TUBD1: variants seen among roughly 807,000 people sequenced by gnomAD.
TUBD1 encodes tubulin delta chain.
TUBD1 carries 38 observed loss-of-function variants against 51.2 expected under a neutral mutation model. The observed-to-expected ratio is 0.74, with a 90% confidence interval of 0.57 to 0.97. The LOEUF (loss-of-function observed/expected upper bound fraction) is 0.97, where lower values mean the gene tolerates loss of function less well. Ranked by LOEUF, TUBD1 falls within the 50% of genes least tolerant of loss-of-function variation. The pLI is 0.00. For synonymous variants in TUBD1, 169 were observed against 178.2 expected, an observed-to-expected ratio of 0.95 and a Z score of 0.41; for missense variants, 489 against 538.4, an observed-to-expected ratio of 0.91 and a Z score of 0.91.
At chr17:59,879,556 C>T (rs1262834912) in intron 4 of TUBD1, among the ~76,000 whole-genome samples, 1 of 152,012 alleles carries the variant, frequency 6.6e-6, no homozygotes, top group East Asian at 2.0e-4. Context: ...CTGCCTCAGC[C>T]TCCCGAGTAG....
intron 6 of TUBD1, among the ~76,000 whole-genome samples, chr17:59,868,593 A>G (rs2039824020): frequency 6.6e-6 from 1 of 152,076 alleles, no homozygotes; most frequent in Non-Finnish European, 1.5e-5. Context: ...TAATCCCAGC[A>G]CTTTGCGAGG....
intron 8 of TUBD1, among the ~76,000 whole-genome samples, chr17:59,861,926 A>G (rs1477899195): frequency 2.0e-5 from 3 of 150,396 alleles, no homozygotes; most frequent in African/African-American, 7.3e-5. Flanking sequence ...TTGGCCTCCC[A>G]AAGTGCTGGA....
intron 2 of TUBD1, among the ~76,000 whole-genome samples, chr17:59,889,119 T>C (rs914819497): frequency 2.7e-5 from 4 of 148,120 alleles, no homozygotes; most frequent in African/African-American, 1.0e-4. Context: ...GTTCAAGTGA[T>C]TCTCCTGCCT....
chr17:59,863,010 G>A (rs1438961840), intron 8 of TUBD1, among the ~76,000 whole-genome samples: 1 of 152,084 alleles, frequency 6.6e-6, no homozygotes, highest in East Asian at 1.9e-4. Context: ...ACAGGTGTGA[G>A]CCACCATGCC....
chr17:59,890,493 C>T (rs773153925), intron 2 of TUBD1, among the ~76,000 whole-genome samples: 7 of 152,166 alleles, frequency 4.6e-5, no homozygotes, highest in African/African-American at 1.2e-4. Context: ...CCACTCGCCT[C>T]GGCCTCTCAA....
chr17:59,879,634 C>A (rs1379923140), intron 4 of TUBD1, among the ~76,000 whole-genome samples: 1 of 152,056 alleles, frequency 6.6e-6, no homozygotes, highest in African/African-American at 2.4e-5. Flanking sequence ...AGGGGTTTCG[C>A]CATGTTGGCC....
chr17:59,886,072 A>G lies in TUBD1; in HGVS notation c.320+11T>C, dbSNP rs1279941976. ...GTCACTAAACTGAAAATCACAAGAA[A>G]TTATTCTTACCCATATGCCCAGTTG... is the stretch of plus-strand genomic sequence containing the variant. On this transcript the variant is annotated intron_variant, in intron 3 of 8. Coordinates refer to ENST00000325752, the MANE Select transcript of TUBD1 (RefSeq NM_016261.4). 6.2e-7 allele frequency: 1 copy of G among 1,613,394 alleles called. No homozygotes were observed.
intron 5 of TUBD1, among the ~76,000 whole-genome samples, chr17:59,876,858 C>T (rs954201215): frequency 1.4e-4 from 20 of 139,838 alleles, no homozygotes; most frequent in African/African-American, 5.0e-4. Flanking sequence ...CTACTCTTAC[C>T]TTAACCATTC....
Position 59,863,771 on chromosome 17 carries a change from C to CCGCT in TUBD1, c.1148_1151dup (p.Phe386GlyfsTer3), listed in dbSNP as rs2039573747. On this transcript the variant is annotated frameshift_variant, in exon 8 of 9. Coordinates refer to ENST00000325752, the MANE Select transcript of TUBD1 (RefSeq NM_016261.4). LOFTEE classifies it high-confidence loss of function. ...CAGACTTCTCATATTTGCTAAAGGC[C>CCGCT]CGCTGGGTTTTCCACACGTTGAAAG... 6.2e-7 allele frequency: 1 copy of CCGCT among 1,611,188 alleles called. No homozygotes were observed. The highest frequency in any genetic ancestry group is 8.5e-7 in the Non-Finnish European group (1 of 1,179,090).
At chr17:59,889,963 C>T (rs2040919595) in intron 2 of TUBD1, among the ~76,000 whole-genome samples, 1 of 126,932 alleles carries the variant, frequency 7.9e-6, no homozygotes, top group South Asian at 2.4e-4. Flanking sequence ...GAGCGAGACT[C>T]TCTCAAAAAA....
At chr17:59,884,029 G>C (rs1323833337) in intron 3 of TUBD1, among the ~76,000 whole-genome samples, 1 of 152,030 alleles carries the variant, frequency 6.6e-6, no homozygotes, top group Non-Finnish European at 1.5e-5. Context: ...GGGAGGCGGA[G>C]GTGGGTGGAT....
Position 59,873,241 on chromosome 17 carries a change from G to GTTT in TUBD1, c.934+1297_934+1298insAAA, listed in dbSNP as rs1270091800. Among the ~76,000 whole-genome samples, 312 of 100,262 alleles carry GTTT rather than the reference G, an allele frequency of 3.1e-3. 2 individuals carry two copies. The highest frequency in any genetic ancestry group is 0.02 in the African/African-American group (296 of 14,816). 65.8% of individuals were successfully genotyped at this position (100,262 alleles called of 152,430 possible). ...TAAATTCATACCAGACATTACTTAA[G>GTTT]TTGTTTTTTGTTGTTGTTTTTTTTT... is the stretch of plus-strand genomic sequence containing the variant. On this transcript the variant is annotated intron_variant, in intron 6 of 8. Transcript: ENST00000325752.
intron 6 of TUBD1, among the ~76,000 whole-genome samples, chr17:59,870,733 T>G (rs1051640979): frequency 3.3e-5 from 5 of 152,150 alleles, no homozygotes; most frequent in African/African-American, 1.2e-4. Flanking sequence ...GATCAAGAGA[T>G]AAGATACGCT....
intron 6 of TUBD1, among the ~76,000 whole-genome samples, chr17:59,868,402 T>A (rs1419492225): frequency 6.6e-6 from 1 of 150,800 alleles, no homozygotes; most frequent in African/African-American, 2.4e-5. Flanking sequence ...ATAGGGTAAA[T>A]CTTTACGTAG....
Position 59,863,699 on chromosome 17 carries a change from C to G in TUBD1, c.1224G>C (p.Met408Ile). 6.3e-7 allele frequency: 1 copy of G among 1,594,474 alleles called. No individual in the cohort carries two copies. Among genetic ancestry groups the G allele is most frequent in the Non-Finnish European group, 8.5e-7 (1 of 1,173,902 alleles). Residue 408 changes from methionine to isoleucine, a missense_variant, in exon 8 of 9, where the codon ATG becomes ATC. Coordinates refer to ENST00000325752, the MANE Select transcript of TUBD1 (RefSeq NM_016261.4). Reference protein sequence around the residue: ...NSQFLVKPLDMIVGKAWNMFA... With the variant: ...NSQFLVKPLDIIVGKAWNMFA... ...ACATATTCCATGCCTTCCCAACAAT[C>G]ATATCAAGTGGTTTTACTAAGAACT...
chr17:59,870,372 CAA>C (rs530315478), intron 6 of TUBD1, among the ~76,000 whole-genome samples: 114 of 77,882 alleles, frequency 1.5e-3, no homozygotes, highest in Non-Finnish European at 1.6e-3. Context: ...CTCCATCTCA[CAA>C]AAAAAAAAAA....
At chr17:59,880,428 A>G (rs990943940) in intron 4 of TUBD1, among the ~76,000 whole-genome samples, 1 of 152,162 alleles carries the variant, frequency 6.6e-6, no homozygotes, top group Non-Finnish European at 1.5e-5. Flanking sequence ...TATATACCAT[A>G]TATAATATGG....
At chr17:59,888,773 G>C (rs531453172) in intron 2 of TUBD1, among the ~76,000 whole-genome samples, 157 of 151,824 alleles carry the variant, frequency 1.0e-3, no homozygotes, top group Non-Finnish European at 1.2e-3. Context: ...TGTCACCTAG[G>C]CTGGAGTACA....
intron 4 of TUBD1, among the ~76,000 whole-genome samples, chr17:59,879,036 A>T (rs1251288448): frequency 6.6e-6 from 1 of 152,116 alleles, no homozygotes; most frequent in East Asian, 1.9e-4. Flanking sequence ...GCACTTTGGG[A>T]GGCTGAGGTG....
Sources: gnomAD v4.1 joint callset for allele counts (sites outside exome capture counted in the v4.1 genomes callset) on GRCh38, gnomAD v4.1.1 for gene constraint, MANE v1.5 for transcripts, NCBI Gene and HGNC (gene_info 2026-07-23, HGNC 2026-07-21) for gene names.